CPQ: variants seen among roughly 807,000 people sequenced by gnomAD.
The protein encoded by CPQ is Ser-Met dipeptidase.
A neutral mutation model predicts 45.7 loss-of-function variants in CPQ; 37 were observed. The observed-to-expected ratio is 0.81, with a 90% confidence interval of 0.62 to 1.07. The LOEUF (loss-of-function observed/expected upper bound fraction) is 1.07. Among genes scored for constraint, CPQ ranks in the 50% least tolerant of loss-of-function variants. The pLI, the probability that CPQ is intolerant of heterozygous loss-of-function variation, is 0.00. For missense variants in CPQ, 537 were observed against 572.9 expected (o/e 0.94, Z 0.64); for synonymous variants, 186 against 205.8 (o/e 0.90, Z 0.82).
chr8:96,856,521 A>G (rs1228721067), intron 3 of CPQ, among the ~76,000 whole-genome samples: 1 of 152,208 alleles, frequency 6.6e-6, no homozygotes, highest in African/African-American at 2.4e-5. Context: ...CTGTAGGTAC[A>G]GTGAGAGAAG....
chr8:96,843,996 G>A (rs147521768), intron 3 of CPQ, among the ~76,000 whole-genome samples: 65 of 152,166 alleles, frequency 4.3e-4, no homozygotes, highest in African/African-American at 1.5e-3. Context: ...CTGCTATTTT[G>A]CATTCATAAT....
At chr8:97,098,703 A>G (rs1483605185) in intron 7 of CPQ, among the ~76,000 whole-genome samples, 1 of 152,200 alleles carries the variant, frequency 6.6e-6, no homozygotes, top group African/African-American at 2.4e-5. Flanking sequence ...TGGTCACAGT[A>G]CAGGTCATCA....
intron 1 of CPQ, among the ~76,000 whole-genome samples, chr8:96,742,444 G>T (rs944490793): frequency 2.6e-5 from 4 of 152,134 alleles, no homozygotes; most frequent in Non-Finnish European, 4.4e-5. Flanking sequence ...GCCAGTCTGT[G>T]TCTTTTAATT....
At chr8:96,688,257 C>T (rs973389572) in intron 1 of CPQ, among the ~76,000 whole-genome samples, 1 of 152,010 alleles carries the variant, frequency 6.6e-6, no homozygotes, top group Non-Finnish European at 1.5e-5. Context: ...ATACCATGAA[C>T]GTTATTTTCT....
chr8:96,984,511 T>C (rs1279692543), intron 5 of CPQ, among the ~76,000 whole-genome samples: 1 of 152,146 alleles, frequency 6.6e-6, no homozygotes, highest in Non-Finnish European at 1.5e-5. Flanking sequence ...CTCTGGAAGA[T>C]GAATTGTTCA....
chr8:96,835,279 C>T (rs929106520), intron 3 of CPQ, 99 bp downstream of exon 3: 6 of 960,524 alleles, frequency 6.2e-6, no homozygotes, highest in African/African-American at 3.4e-5. Flanking sequence ...AATGAAAATA[C>T]TTATTGTTCA....
intron 1 of CPQ, among the ~76,000 whole-genome samples, chr8:96,731,152 A>C (rs966730704): frequency 1.3e-5 from 2 of 152,018 alleles, no homozygotes; most frequent in African/African-American, 4.8e-5. Context: ...AAAGGGTTTT[A>C]ACCATCTACA....
chr8:96,818,033 C>G (rs1811252524), intron 2 of CPQ, among the ~76,000 whole-genome samples: 1 of 152,030 alleles, frequency 6.6e-6, no homozygotes, highest in Non-Finnish European at 1.5e-5. Context: ...CTCACTAAGC[C>G]TAACCATTTC....
At chr8:96,782,319 G>A (rs1471914363) in intron 1 of CPQ, among the ~76,000 whole-genome samples, 2 of 152,174 alleles carry the variant, frequency 1.3e-5, no homozygotes, top group African/African-American at 4.8e-5. Context: ...CTTACTGCTT[G>A]TGCACTCAGG....
At chr8:96,965,102 A>G (rs1813532740) in intron 4 of CPQ, among the ~76,000 whole-genome samples, 1 of 152,114 alleles carries the variant, frequency 6.6e-6, no homozygotes, top group African/African-American at 2.4e-5. Context: ...ATTTCCCTTA[A>G]AAGTTCTCCT....
intron 4 of CPQ, among the ~76,000 whole-genome samples, chr8:96,941,950 T>C (rs1406722112): frequency 2.0e-5 from 3 of 152,130 alleles, no homozygotes; most frequent in African/African-American, 7.2e-5. Context: ...GGCAGATAAG[T>C]GAAAGAGGAA....
At chr8:97,038,825 CAAAA>C (rs35739621) in intron 6 of CPQ, among the ~76,000 whole-genome samples, 30 of 91,862 alleles carry the variant, frequency 3.3e-4, no homozygotes, top group African/African-American at 7.6e-4. Context: ...ACCGTATTTA[CAAAA>C]AAAAAAAAAA....
chr8:97,101,938 CT>C lies in CPQ; in HGVS notation c.1255+35729del, dbSNP rs1164491537. 5.0e-3 allele frequency among the ~76,000 whole-genome samples: 720 copies of C among 145,302 alleles called. 2 individuals carry two copies. The highest frequency in any genetic ancestry group is 0.013 in the African/African-American group (486 of 37,400). Reference sequence around the variant, plus strand: ...GCTCTCTCTCTCTCTCTCTCTCTCTCTCTCCCTCCCTCCCTCTCTCTCTCTC... The same window carrying C: ...GCTCTCTCTCTCTCTCTCTCTCTCTCCTCCCTCCCTCCCTCTCTCTCTCTC... On this transcript the variant is annotated intron_variant, in intron 7 of 7. Transcript: ENST00000220763.
At chr8:96,906,669 T>C (rs1252548131) in intron 4 of CPQ, among the ~76,000 whole-genome samples, 2 of 152,138 alleles carry the variant, frequency 1.3e-5, no homozygotes, top group African/African-American at 2.4e-5. Context: ...CACTTTCTCA[T>C]AGATGGGGCT....
intron 3 of CPQ, among the ~76,000 whole-genome samples, chr8:96,837,047 A>G (rs956161726): frequency 8.5e-5 from 13 of 152,204 alleles, no homozygotes; most frequent in African/African-American, 2.9e-4. Flanking sequence ...TTCCCATGTT[A>G]CTTTATTTGC....
intron 5 of CPQ, among the ~76,000 whole-genome samples, chr8:96,989,054 G>C (rs1388346499): frequency 1.3e-5 from 2 of 152,176 alleles, no homozygotes; most frequent in Non-Finnish European, 2.9e-5. Context: ...CTGCAAGAGT[G>C]GCCTCTCACC....
At chr8:97,060,860 T>C (rs1810538739) in intron 6 of CPQ, among the ~76,000 whole-genome samples, 1 of 152,200 alleles carries the variant, frequency 6.6e-6, no homozygotes, top group African/African-American at 2.4e-5. Flanking sequence ...AATATATTCC[T>C]GAGAAGCAGC....
intron 1 of CPQ, among the ~76,000 whole-genome samples, chr8:96,696,413 C>T (rs1426035299): frequency 1.3e-5 from 2 of 150,822 alleles, no homozygotes; most frequent in East Asian, 1.9e-4. Flanking sequence ...GCACATTGTG[C>T]ACATGTACCC....
chr8:96,812,841 G>A (rs1053196536), intron 2 of CPQ, among the ~76,000 whole-genome samples: 8 of 151,814 alleles, frequency 5.3e-5, no homozygotes, highest in Middle Eastern at 3.4e-3. Context: ...GCTGGTGTCT[G>A]GTTTTCTGAC....
Sources: allele counts gnomAD v4.1 joint callset (sites outside exome capture counted in the v4.1 genomes callset), GRCh38; gene constraint gnomAD v4.1.1; transcripts MANE v1.5; gene names NCBI Gene and HGNC (gene_info 2026-07-23, HGNC 2026-07-21).